The following GRID2 variants were observed in gnomAD, a reference collection of about 807,000 sequenced individuals.
GRID2 encodes glutamate receptor ionotropic, delta-2.
Under a neutral mutation model 114.8 loss-of-function variants are expected in GRID2, and 33 were observed. The observed-to-expected ratio is 0.29, with a 90% CI of 0.22 to 0.38. The LOEUF (loss-of-function observed/expected upper bound fraction) is 0.38, where lower values mean the gene tolerates loss of function less well. Ranked by LOEUF, GRID2 falls within the 10% of genes least tolerant of loss-of-function variation. The pLI is 1.00. For missense variants in GRID2, 1,184 were observed against 1,257.7 expected (o/e 0.94, Z 0.89); for synonymous variants, 505 against 449.9 (o/e 1.12, Z -1.55).
chr4:92,458,798 G>A (rs1437558048), intron 1 of GRID2, among the ~76,000 whole-genome samples: 1 of 152,122 alleles, frequency 6.6e-6, no homozygotes, highest in Admixed American at 6.6e-5. Flanking sequence ...AAATTTAAAG[G>A]TGTCAGAGTT....
At chr4:92,586,812 C>T (rs1728473289) in intron 1 of GRID2, among the ~76,000 whole-genome samples, 1 of 151,760 alleles carries the variant, frequency 6.6e-6, no homozygotes. Context: ...AACTCATAAA[C>T]ATTAATATTT....
chr4:92,864,482 G>A (rs2149438819), intron 2 of GRID2, among the ~76,000 whole-genome samples: 1 of 152,282 alleles, frequency 6.6e-6, no homozygotes, highest in South Asian at 2.1e-4. Flanking sequence ...TTTATGGAAG[G>A]ATAACTCATG....
chr4:93,592,065 G>T (rs899939965), intron 13 of GRID2, among the ~76,000 whole-genome samples: 3 of 152,012 alleles, frequency 2.0e-5, no homozygotes, highest in African/African-American at 7.3e-5. Context: ...CTTCAGTTCT[G>T]CTCTGATTTT....
chr4:93,696,793 A>G lies in GRID2; in HGVS notation c.2360+70358A>G, dbSNP rs1727057597. 2.0e-5 allele frequency among the ~76,000 whole-genome samples: 3 copies of G among 152,030 alleles called. No homozygotes were observed. The South Asian group carries it at 6.2e-4, about 32-fold the overall frequency. ...CAGTTTGAGCTTTTCCTGCCCTTTT[A>G]ATCACTCCCTCCTCTATAATCCCAA... On this transcript the variant is annotated intron_variant, in intron 14 of 15. Coordinates refer to ENST00000282020, the MANE Select transcript of GRID2 (RefSeq NM_001510.4).
intron 2 of GRID2, among the ~76,000 whole-genome samples, chr4:92,726,470 A>G (rs1250815328): frequency 1.3e-5 from 2 of 152,092 alleles, no homozygotes; most frequent in Admixed American, 6.6e-5. Context: ...TATACATGAA[A>G]GTAGCTGCTT....
intron 2 of GRID2, among the ~76,000 whole-genome samples, chr4:92,733,493 A>G (rs1478344213): frequency 6.6e-6 from 1 of 152,040 alleles, no homozygotes; most frequent in Admixed American, 6.6e-5. Flanking sequence ...AGGGGACAGG[A>G]CTGAAAAGAA....
intron 2 of GRID2, among the ~76,000 whole-genome samples, chr4:92,882,959 C>G (rs1335922635): frequency 6.6e-6 from 1 of 152,164 alleles, no homozygotes; most frequent in East Asian, 1.9e-4. Context: ...GTCGGGGTGG[C>G]TGTGGCAATT....
chr4:93,166,215 A>T (rs1738232881), intron 4 of GRID2: 1 of 152,194 alleles, frequency 6.6e-6, no homozygotes, highest in Non-Finnish European at 1.5e-5. Flanking sequence ...TTTGTTAGCT[A>T]AAAATTTTAG....
At chr4:92,567,474 C>T (rs563458022) in intron 1 of GRID2, among the ~76,000 whole-genome samples, 16 of 152,000 alleles carry the variant, frequency 1.1e-4, no homozygotes, top group South Asian at 2.1e-4. Flanking sequence ...TCTGCTGGTT[C>T]GTCATATCTT....
At chr4:93,381,333 T>C (rs1277289500) in intron 8 of GRID2, among the ~76,000 whole-genome samples, 1 of 152,110 alleles carries the variant, frequency 6.6e-6, no homozygotes, top group Non-Finnish European at 1.5e-5. Flanking sequence ...AGGTATTTGT[T>C]ATTTTGTGAC....
At chr4:92,969,156 G>T (rs1753338213) in intron 2 of GRID2, among the ~76,000 whole-genome samples, 1 of 151,422 alleles carries the variant, frequency 6.6e-6, no homozygotes, top group South Asian at 2.1e-4. Flanking sequence ...ATTATGTTCA[G>T]CTAGAGTAAA....
chr4:93,752,152 CA>C (rs777382103), intron 14 of GRID2, among the ~76,000 whole-genome samples: 1 of 152,078 alleles, frequency 6.6e-6, no homozygotes, highest in Non-Finnish European at 1.5e-5. Flanking sequence ...ATGATTATAA[CA>C]ATAGCTGCCT....
At chr4:92,338,329 A>G (rs1293841945) in intron 1 of GRID2, among the ~76,000 whole-genome samples, 1 of 152,216 alleles carries the variant, frequency 6.6e-6, no homozygotes, top group Non-Finnish European at 1.5e-5. Flanking sequence ...TATAGAATAT[A>G]CATTGTGAAC....
At chr4:92,823,478 TGTCTATA>T (rs1304276169) in intron 2 of GRID2, among the ~76,000 whole-genome samples, 2 of 152,142 alleles carry the variant, frequency 1.3e-5, no homozygotes, top group Admixed American at 6.6e-5. Context: ...CAAATTATGC[TGTCTATA>T]GTCACACAGA....
At chr4:92,531,103 T>C (rs903163980) in intron 1 of GRID2, among the ~76,000 whole-genome samples, 15 of 151,950 alleles carry the variant, frequency 9.9e-5, no homozygotes, top group Admixed American at 2.6e-4. Context: ...CAAACAAAAA[T>C]AAAATAAAAA....
chr4:93,012,564 G>C (rs1722287264), intron 2 of GRID2, among the ~76,000 whole-genome samples: 1 of 152,002 alleles, frequency 6.6e-6, no homozygotes, highest in Non-Finnish European at 1.5e-5. Context: ...ATCATCCAGA[G>C]CTGGACTCTG....
intron 3 of GRID2, among the ~76,000 whole-genome samples, chr4:93,101,462 C>G (rs1731701342): frequency 1.3e-5 from 2 of 152,050 alleles, no homozygotes; most frequent in East Asian, 3.9e-4. Flanking sequence ...AGTCTGCTCT[C>G]TATCTTCATG....
intron 1 of GRID2, among the ~76,000 whole-genome samples, chr4:92,305,964 C>G (rs1725381480): frequency 6.6e-6 from 1 of 152,160 alleles, no homozygotes; most frequent in Non-Finnish European, 1.5e-5. Flanking sequence ...CAAATTGAGG[C>G]GACAGATGGG....
At chr4:93,660,399 CATA>C (rs2149736297) in intron 14 of GRID2, among the ~76,000 whole-genome samples, 1 of 151,938 alleles carries the variant, frequency 6.6e-6, no homozygotes, top group East Asian at 1.9e-4. Flanking sequence ...TTTATAATTT[CATA>C]ATGAGAAAAA....
Sources: allele counts gnomAD v4.1 joint callset (sites outside exome capture counted in the v4.1 genomes callset), GRCh38; gene constraint gnomAD v4.1.1; transcripts MANE v1.5; gene names NCBI Gene and HGNC (gene_info 2026-07-23, HGNC 2026-07-21).